Variants in GRIK2 observed in about 807,000 individuals in gnomAD.
GRIK2 encodes glutamate receptor ionotropic, kainate 2.
A neutral mutation model predicts 100.3 loss-of-function variants in GRIK2; 32 were observed. The observed-to-expected ratio is 0.32, with a 90% confidence interval of 0.24 to 0.43. The LOEUF (loss-of-function observed/expected upper bound fraction) is 0.43. Among genes scored for constraint, GRIK2 ranks in the 20% least tolerant of loss-of-function variants. GRIK2 has a pLI of 1.00. For missense variants in GRIK2, 843 were observed against 1,114.9 expected, an observed-to-expected ratio of 0.76 and a Z score of 3.47; for synonymous variants, 417 against 389.4, an observed-to-expected ratio of 1.07 and a Z score of -0.83.
chr6:101,821,493 C>T (rs1781945782), intron 10 of GRIK2, among the ~76,000 whole-genome samples: 1 of 151,982 alleles, frequency 6.6e-6, no homozygotes, highest in African/African-American at 2.4e-5. Flanking sequence ...ATTATTACTC[C>T]ATATGAATAA....
At chr6:101,710,728 C>T (rs548379630) in intron 7 of GRIK2, among the ~76,000 whole-genome samples, 2 of 151,834 alleles carry the variant, frequency 1.3e-5, no homozygotes, top group South Asian at 2.1e-4. Context: ...GCTGTCTTCA[C>T]CTGGGGTCAC....
intron 2 of GRIK2, among the ~76,000 whole-genome samples, chr6:101,585,047 A>G (rs549381613): frequency 6.6e-6 from 1 of 152,112 alleles, no homozygotes; most frequent in South Asian, 2.1e-4. Flanking sequence ...AAGTAGAAAA[A>G]TCCAACTCAA....
intron 11 of GRIK2, among the ~76,000 whole-genome samples, chr6:101,867,579 A>G (rs895555281): frequency 6.6e-6 from 1 of 151,726 alleles, no homozygotes; most frequent in Non-Finnish European, 1.5e-5. Context: ...ACAACCATTT[A>G]TTGAATATAT....
At chr6:101,822,076 CATT>C (rs147383465) in intron 10 of GRIK2, among the ~76,000 whole-genome samples, 6,975 of 151,890 alleles carry the variant, frequency 0.046, 187 homozygotes, top group Non-Finnish European at 0.057. Context: ...TAATTTTATT[CATT>C]ATTTTATTTG....
chr6:101,710,677 T>C (rs17062373), intron 7 of GRIK2, among the ~76,000 whole-genome samples: 11,511 of 151,804 alleles, frequency 0.076, 1,416 homozygotes, highest in African/African-American at 0.26. Context: ...CTGTAGCTCA[T>C]CCACTGTTTC....
chr6:101,567,588 A>T (rs1367456985), intron 2 of GRIK2, among the ~76,000 whole-genome samples: 4 of 152,002 alleles, frequency 2.6e-5, no homozygotes, highest in Admixed American at 2.6e-4. Context: ...TACTCTCAAG[A>T]ATCATTCTAA....
chr6:101,993,871 A>G (rs1197991409), intron 14 of GRIK2: 1 of 148,050 alleles, frequency 6.8e-6, no homozygotes, highest in Non-Finnish European at 1.5e-5. Flanking sequence ...ATTATTTAAT[A>G]TAAATAGGTA....
Position 102,002,703 on chromosome 6 carries a change from TTTA to T in GRIK2, c.2086-32635_2086-32633del, listed in dbSNP as rs200089223. Among the ~76,000 whole-genome samples the T allele has an allele frequency of 8.5e-3, 1,281 of 150,848 alleles. 21 individuals carry two copies. The highest frequency in any genetic ancestry group is 0.03 in the African/African-American group (1,239 of 41,476). On this transcript the variant is annotated intron_variant, in intron 14 of 16. Coordinates refer to ENST00000369134, the MANE Select transcript of GRIK2 (RefSeq NM_021956.5). ...CAATAATCAAATATTTGTACACTTC[TTTA>T]TTGATTCCTTCATAATTATTCAGTC...
chr6:101,849,812 G>GTT lies in GRIK2; in HGVS notation c.1318-9475_1318-9474insTT, dbSNP rs1562437239. Among the ~76,000 whole-genome samples the GTT allele has an allele frequency of 6.2e-5, 7 of 112,214 alleles. No individual in the cohort carries two copies. In the East Asian group the frequency reaches 5.7e-3, roughly 91 times the overall value. The allele number at this position is 112,214 out of a possible 152,430, so 73.6% of individuals were successfully genotyped here. ...TAGGGATGCTATTTAAAAAAAGGAG[G>GTT]GTTTTTTTTTTTTTTTTTTTTTTTT... is the stretch of plus-strand genomic sequence containing the variant. On this transcript the variant is annotated intron_variant, in intron 10 of 16. Transcript: ENST00000369134.
intron 14 of GRIK2, among the ~76,000 whole-genome samples, chr6:101,962,034 A>T (rs981839064): frequency 6.6e-6 from 1 of 152,148 alleles, no homozygotes; most frequent in Admixed American, 6.5e-5. Flanking sequence ...CCACAGCAGT[A>T]CTTGGGTTCA....
intron 14 of GRIK2, among the ~76,000 whole-genome samples, chr6:101,976,965 C>A (rs1260813444): frequency 6.6e-6 from 1 of 151,826 alleles, no homozygotes; most frequent in East Asian, 2.0e-4. Context: ...AGAAGTTAAG[C>A]CTTTAACTAG....
At chr6:101,557,319 G>A (rs1367100231) in intron 2 of GRIK2, among the ~76,000 whole-genome samples, 3 of 152,086 alleles carry the variant, frequency 2.0e-5, no homozygotes, top group Non-Finnish European at 4.4e-5. Context: ...TTTGTTTATT[G>A]CAAAGATAAA....
intron 11 of GRIK2, among the ~76,000 whole-genome samples, chr6:101,879,528 A>G (rs1414552803): frequency 4.6e-5 from 7 of 151,968 alleles, no homozygotes; most frequent in Non-Finnish European, 5.9e-5. Context: ...CCTGGACTCT[A>G]TGCTTCTTGG....
intron 12 of GRIK2, among the ~76,000 whole-genome samples, chr6:101,922,130 T>C (rs1235896023): frequency 0.057 from 2,692 of 47,010 alleles, 226 homozygotes; most frequent in African/African-American, 0.17. Context: ...CTTCCTTCCT[T>C]CCTTCCTTCC....
At chr6:101,738,771 C>T (rs77569934) in intron 7 of GRIK2, among the ~76,000 whole-genome samples, 2,836 of 152,206 alleles carry the variant, frequency 0.019, 82 homozygotes, top group African/African-American at 0.064. Flanking sequence ...ACCTAATATA[C>T]GCTGATAGGG....
At chr6:101,830,124 A>C (rs546691392) in intron 10 of GRIK2, among the ~76,000 whole-genome samples, 2 of 151,990 alleles carry the variant, frequency 1.3e-5, no homozygotes, top group East Asian at 1.9e-4. Flanking sequence ...ATAAGGCTAC[A>C]CTCCTACAAC....
intron 4 of GRIK2, among the ~76,000 whole-genome samples, chr6:101,653,448 T>A (rs1197702818): frequency 3.9e-5 from 6 of 151,904 alleles, no homozygotes; most frequent in African/African-American, 1.5e-4. Flanking sequence ...TCCTCCTTGA[T>A]CAATGCCAGG....
intron 7 of GRIK2, among the ~76,000 whole-genome samples, chr6:101,753,060 C>T (rs1297028526): frequency 6.6e-6 from 1 of 151,900 alleles, no homozygotes; most frequent in Admixed American, 6.6e-5. Flanking sequence ...TTTGGGAGGC[C>T]GAGGCGGGAG....
intron 14 of GRIK2, among the ~76,000 whole-genome samples, chr6:102,034,433 A>C (rs188829380): frequency 2.6e-4 from 39 of 151,566 alleles, no homozygotes; most frequent in Admixed American, 4.6e-4. Flanking sequence ...CAGTATGATG[A>C]ATATCCTTCC....
Sources: allele counts gnomAD v4.1 joint callset (sites outside exome capture counted in the v4.1 genomes callset), GRCh38; gene constraint gnomAD v4.1.1; transcripts MANE v1.5; gene names NCBI Gene and HGNC (gene_info 2026-07-23, HGNC 2026-07-21).